DNAH14: variants seen among roughly 807,000 people sequenced by gnomAD.
DNAH14 encodes dynein axonemal heavy chain 14, also known as axonemal beta dynein heavy chain 14.
A neutral mutation model predicts 520.9 loss-of-function variants in DNAH14; 478 were observed. The observed-to-expected ratio is 0.92, with a 90% CI of 0.85 to 0.99. DNAH14 has a LOEUF of 0.99. Among genes scored for constraint, DNAH14 ranks in the 50% least tolerant of loss-of-function variants. DNAH14 has a pLI of 0.00. For synonymous variants in DNAH14, 1,581 were observed against 1,757.2 expected, an observed-to-expected ratio of 0.90 and a Z score of 2.51; for missense variants, 4,831 against 5,234.5, an observed-to-expected ratio of 0.92 and a Z score of 2.38.
chr1:225,358,756 G>A, intron 74 of DNAH14, 104 bp downstream of exon 74: 1 of 1,202,416 alleles, frequency 8.3e-7, no homozygotes, highest in Non-Finnish European at 1.1e-6. Context: ...ACATGTCAAG[G>A]GCGAGACCAG....
chr1:224,994,170 A>G (rs900605993), intron 8 of DNAH14, among the ~76,000 whole-genome samples: 4 of 151,994 alleles, frequency 2.6e-5, no homozygotes, highest in African/African-American at 9.7e-5. Context: ...GTTAGATGCA[A>G]TATTCTGTAT....
intron 38 of DNAH14, among the ~76,000 whole-genome samples, chr1:225,196,413 T>C (rs940628666): frequency 1.3e-4 from 20 of 152,114 alleles, no homozygotes; most frequent in Admixed American, 1.2e-3. Context: ...TATCCACTTG[T>C]TGATTGATGG....
chr1:225,049,761 T>TCTATCTAC (rs2068339281), intron 15 of DNAH14, among the ~76,000 whole-genome samples: 1 of 122,696 alleles, frequency 8.2e-6, no homozygotes, highest in East Asian at 2.1e-4. Context: ...TATCTATCTG[T>TCTATCTAC]CTATCTATCT....
At chr1:225,224,612 T>C (rs570675501) in intron 41 of DNAH14, among the ~76,000 whole-genome samples, 2 of 152,316 alleles carry the variant, frequency 1.3e-5, no homozygotes, top group African/African-American at 4.8e-5. Flanking sequence ...ATATAAAACA[T>C]GCCCTTCCTG....
intron 10 of DNAH14, among the ~76,000 whole-genome samples, chr1:225,020,201 C>A (rs891886887): frequency 1.1e-4 from 16 of 150,842 alleles, no homozygotes; most frequent in Admixed American, 2.0e-4. Flanking sequence ...CAGAGAAATA[C>A]AAAAAAAAAT....
chr1:225,136,743 G>A (rs753059086), intron 27 of DNAH14, among the ~76,000 whole-genome samples: 3 of 152,108 alleles, frequency 2.0e-5, no homozygotes, highest in African/African-American at 7.2e-5. Context: ...GCTGAAGTAC[G>A]TTTTCCAACT....
At chr1:225,005,165 A>G (rs927859917) in intron 9 of DNAH14, among the ~76,000 whole-genome samples, 3 of 152,154 alleles carry the variant, frequency 2.0e-5, no homozygotes, top group African/African-American at 7.2e-5. Context: ...AGAATCATCT[A>G]GAGTTGAGAC....
intron 27 of DNAH14, among the ~76,000 whole-genome samples, chr1:225,135,692 G>C (rs1296349073): frequency 1.3e-5 from 2 of 152,092 alleles, no homozygotes; most frequent in Non-Finnish European, 2.9e-5. Flanking sequence ...ATTTAGTCAA[G>C]TTCAGGTTCT....
chr1:225,110,808 C>G (rs1260903822), intron 23 of DNAH14, among the ~76,000 whole-genome samples: 1 of 151,870 alleles, frequency 6.6e-6, no homozygotes, highest in Admixed American at 6.6e-5. Flanking sequence ...TTTGGTATAT[C>G]CCATAAGTTT....
chr1:225,088,826 T>C (rs890859942), intron 21 of DNAH14, among the ~76,000 whole-genome samples: 1 of 152,144 alleles, frequency 6.6e-6, no homozygotes, highest in African/African-American at 2.4e-5. Context: ...TTTAAGTTAA[T>C]TAAGTACTTA....
At chr1:224,941,390 T>A (rs1255668563) in intron 1 of DNAH14, among the ~76,000 whole-genome samples, 4 of 152,202 alleles carry the variant, frequency 2.6e-5, no homozygotes, top group African/African-American at 9.6e-5. Flanking sequence ...TGTAAATTTG[T>A]TTGACTTCAT....
chr1:225,339,186 C>CT (rs1181844383), intron 68 of DNAH14, among the ~76,000 whole-genome samples: 3 of 151,702 alleles, frequency 2.0e-5, no homozygotes, highest in Admixed American at 2.0e-4. Context: ...TGGTGCATGC[C>CT]TGTAATCCCA....
At chr1:225,089,262 G>A (rs979992385) in intron 21 of DNAH14, among the ~76,000 whole-genome samples, 3 of 151,868 alleles carry the variant, frequency 2.0e-5, no homozygotes, top group East Asian at 3.9e-4. Context: ...TGGCCAACAT[G>A]GTGAAACCTT....
intron 20 of DNAH14, 114 bp from the exon 21 acceptor site, chr1:225,085,430 A>T: frequency 2.1e-6 from 2 of 952,276 alleles, no homozygotes; most frequent in Non-Finnish European, 3.1e-6. Context: ...AACTGGAATT[A>T]GATCTTCAAT....
At chr1:225,272,901 C>T in intron 51 of DNAH14, 54 bp from the exon 52 acceptor site, 1 of 1,455,476 alleles carries the variant, frequency 6.9e-7, no homozygotes, top group Non-Finnish European at 9.0e-7. Context: ...CTTCGCTTCA[C>T]ATACTACCCT....
intron 42 of DNAH14, among the ~76,000 whole-genome samples, chr1:225,240,081 G>T (rs754972868): frequency 6.6e-6 from 1 of 152,074 alleles, no homozygotes; most frequent in African/African-American, 2.4e-5. Flanking sequence ...CAACCTCTAC[G>T]ACTTGGTTGA....
rs371930313 is a variant in DNAH14, at chr1:225,064,468, G to A, written c.2424+12673G>A. Among the ~76,000 whole-genome samples, 204 of 151,968 alleles carry A rather than the reference G, an allele frequency of 1.3e-3. 8 individuals carry two copies. The South Asian group carries it at 0.042, about 31-fold the overall frequency. On this transcript the variant is annotated intron_variant, in intron 17 of 85. Transcript: ENST00000682510. ...CCACCCAAAGACTTGCACCCAAGTGGTCAGAGAAGCTTTATTTGCAATTGC... is the reference window on the plus strand; with the variant it reads ...CCACCCAAAGACTTGCACCCAAGTGATCAGAGAAGCTTTATTTGCAATTGC...
chr1:225,088,509 A>G (rs557926107), intron 21 of DNAH14, among the ~76,000 whole-genome samples: 16 of 152,322 alleles, frequency 1.1e-4, no homozygotes, highest in Admixed American at 5.9e-4. Flanking sequence ...AAAAATGAAA[A>G]GAGCATCAGT....
chr1:225,390,366 T>C (rs1394630324), intron 83 of DNAH14, among the ~76,000 whole-genome samples: 4 of 152,030 alleles, frequency 2.6e-5, no homozygotes, highest in Non-Finnish European at 2.9e-5. Flanking sequence ...ATTCCAACGA[T>C]GCGTGGTCGT....
Sources: allele counts gnomAD v4.1 joint callset (sites outside exome capture counted in the v4.1 genomes callset), GRCh38; gene constraint gnomAD v4.1.1; transcripts MANE v1.5; gene names NCBI Gene and HGNC (gene_info 2026-07-23, HGNC 2026-07-21).